The following USP3 variants were observed in gnomAD, a reference collection of about 807,000 sequenced individuals.
USP3 encodes ubiquitin specific peptidase 3.
A neutral mutation model predicts 72.3 loss-of-function variants in USP3; 20 were observed. That is an observed-to-expected ratio of 0.28 (90% confidence interval 0.19 to 0.40). USP3 has a LOEUF of 0.40. Among genes scored for constraint, USP3 ranks in the 10% least tolerant of loss-of-function variants. The pLI, the probability that USP3 is intolerant of heterozygous loss-of-function variation, is 1.00. For synonymous variants in USP3, 222 were observed against 225.3 expected, an observed-to-expected ratio of 0.99 and a Z score of 0.13; for missense variants, 479 against 633.9, an observed-to-expected ratio of 0.76 and a Z score of 2.62.
rs181866269 is a variant in USP3 at position 63,587,185 on chromosome 15, G to A, written c.1097-1120G>A. Among the ~76,000 whole-genome samples, 78 of 152,258 alleles carry A rather than the reference G, an allele frequency of 5.1e-4. 3 individuals carry two copies. The highest frequency in any genetic ancestry group is 1.2e-4 in the Non-Finnish European group (8 of 68,022). Reference sequence around the variant, plus strand: ...TCAGGATAATGGCTACTTCTGGGCAGAGGAAGGGGAATTATCTTTGGTAAG... The same window carrying A: ...TCAGGATAATGGCTACTTCTGGGCAAAGGAAGGGGAATTATCTTTGGTAAG... On this transcript the variant is annotated intron_variant, in intron 11 of 14. Transcript: ENST00000380324.
chr15:63,540,361 T>G (rs896992720), intron 3 of USP3, among the ~76,000 whole-genome samples: 1 of 152,238 alleles, frequency 6.6e-6, no homozygotes, highest in African/African-American at 2.4e-5. Flanking sequence ...GCATGTTAGT[T>G]ATTTGTAAAT....
intron 1 of USP3, among the ~76,000 whole-genome samples, chr15:63,509,162 C>G (rs1052577478): frequency 6.6e-6 from 1 of 152,134 alleles, no homozygotes; most frequent in Non-Finnish European, 1.5e-5. Context: ...ATTTAACACT[C>G]GTTTGCCCAG....
Position 63,547,757 on chromosome 15 carries a change from GGAGGGAGA to G in USP3, c.285-5954_285-5947del, listed in dbSNP as rs1567108586. Among the ~76,000 whole-genome samples, 3 of 39,636 alleles carry G rather than the reference GGAGGGAGA, an allele frequency of 7.6e-5. 1 individual carries two copies. Among genetic ancestry groups the G allele is most frequent in the African/African-American group, 3.1e-4 (3 of 9,688 alleles). The allele number at this position is 39,636 out of a possible 152,430, so 26.0% of individuals were successfully genotyped here. The stretch of plus-strand genomic sequence containing the variant: ...GAGAGAGAGAGAGGGAGGGAGGGAG[GGAGGGAGA>G]GAGAGAGAGAGAGAGAGAGAGAGAG... On this transcript the variant is annotated intron_variant, in intron 3 of 14. Transcript: ENST00000380324.
chr15:63,562,863 A>T (rs1165606467), intron 7 of USP3, 32 bp from the exon 8 acceptor site: 1 of 1,474,984 alleles, frequency 6.8e-7, no homozygotes, highest in Non-Finnish European at 9.3e-7. Flanking sequence ...CCTCTCACTA[A>T]TCTGAGGGCA....
At chr15:63,532,010 G>A (rs1350913697) in intron 1 of USP3, among the ~76,000 whole-genome samples, 2 of 152,132 alleles carry the variant, frequency 1.3e-5, no homozygotes, top group Admixed American at 6.6e-5. Flanking sequence ...AAAAATGAAT[G>A]AGTAGACAGC....
At position 63,529,158 on chromosome 15, in the gene USP3, A is replaced by G; in HGVS notation, c.92-3489A>G. 1 of 784,104 alleles carries G rather than the reference A, an allele frequency of 1.3e-6. No individual in the cohort carries two copies. The highest frequency in any genetic ancestry group is 1.5e-5 in the South Asian group (1 of 68,904). The allele number at this position is 784,104 out of a possible 1,614,324, so 48.6% of individuals were successfully genotyped here. ...GGACTACAGATGCAATCACCACCACACTTGGCAGGTAGTAAAGTGGTTTTT... is the reference window on the plus strand; with the variant it reads ...GGACTACAGATGCAATCACCACCACGCTTGGCAGGTAGTAAAGTGGTTTTT... On this transcript the variant is annotated intron_variant, in intron 1 of 14. Transcript: ENST00000380324. The surrounding 1 kb of genome is among the most constrained non-coding windows in gnomAD (Gnocchi z 4.2).
intron 1 of USP3, among the ~76,000 whole-genome samples, chr15:63,506,238 G>T (rs2065711190): frequency 6.6e-6 from 1 of 152,144 alleles, no homozygotes; most frequent in Non-Finnish European, 1.5e-5. Context: ...TCGGGATGTT[G>T]AGTATAGAAC....
intron 14 of USP3, among the ~76,000 whole-genome samples, chr15:63,590,211 C>A (rs1477125225): frequency 6.6e-6 from 1 of 152,242 alleles, no homozygotes; most frequent in East Asian, 1.9e-4. Context: ...AAGGTCTGTT[C>A]TAGCTGCAGG....
chr15:63,579,786 C>G (rs1595768990), intron 11 of USP3, among the ~76,000 whole-genome samples: 1 of 151,982 alleles, frequency 6.6e-6, no homozygotes, highest in African/African-American at 2.4e-5. Flanking sequence ...GTGACTTGGG[C>G]AGAGTACATG....
intron 1 of USP3, among the ~76,000 whole-genome samples, chr15:63,506,678 A>G (rs1451186604): frequency 6.6e-6 from 1 of 152,198 alleles, no homozygotes; most frequent in Admixed American, 6.5e-5. Context: ...GAGGAACTTA[A>G]TAAGTTAAAA....
intron 1 of USP3, among the ~76,000 whole-genome samples, chr15:63,518,490 G>A (rs1328548336): frequency 2.0e-5 from 3 of 152,254 alleles, no homozygotes; most frequent in East Asian, 3.9e-4. Context: ...TTGTGTTTTA[G>A]TTTTTAAAAA....
chr15:63,520,133 A>G (rs1256817645), intron 1 of USP3, among the ~76,000 whole-genome samples: 1 of 152,200 alleles, frequency 6.6e-6, no homozygotes, highest in African/African-American at 2.4e-5. Flanking sequence ...GAGCTGAGAA[A>G]TATAAATAAA....
intron 3 of USP3, among the ~76,000 whole-genome samples, chr15:63,550,593 A>C (rs979944481): frequency 1.3e-5 from 2 of 152,240 alleles, no homozygotes; most frequent in Admixed American, 6.5e-5. Flanking sequence ...TGAGACAAAT[A>C]TACCCATAGT....
At chr15:63,515,158 T>C (rs2065835157) in intron 1 of USP3, among the ~76,000 whole-genome samples, 1 of 152,196 alleles carries the variant, frequency 6.6e-6, no homozygotes, top group Non-Finnish European at 1.5e-5. Context: ...TCCCCTCGTT[T>C]AGAGGTAGGA....
At chr15:63,581,424 C>T (rs1349361286) in intron 11 of USP3, among the ~76,000 whole-genome samples, 2 of 148,950 alleles carry the variant, frequency 1.3e-5, no homozygotes, top group East Asian at 4.0e-4. Flanking sequence ...TGCTCTGTTG[C>T]CCAGGCTAGA....
At chr15:63,583,609 G>C (rs1015484994) in intron 11 of USP3, among the ~76,000 whole-genome samples, 1 of 152,104 alleles carries the variant, frequency 6.6e-6, no homozygotes, top group African/African-American at 2.4e-5. Flanking sequence ...ATCCTAAACA[G>C]AAACTCTGTA....
At chr15:63,563,156 A>T (rs2066634530) in intron 8 of USP3, 148 bp downstream of exon 8, 1 of 490,386 alleles carries the variant, frequency 2.0e-6, no homozygotes, top group African/African-American at 2.0e-5. Flanking sequence ...GAAGAGCTGA[A>T]ATTGAATACA....
chr15:63,518,033 C>A (rs1478180736), intron 1 of USP3, among the ~76,000 whole-genome samples: 1 of 152,096 alleles, frequency 6.6e-6, no homozygotes, highest in Non-Finnish European at 1.5e-5. Context: ...GTAGAATTTG[C>A]CACGTTTAGT....
intron 1 of USP3, among the ~76,000 whole-genome samples, chr15:63,518,691 T>A (rs1301642619): frequency 6.6e-6 from 1 of 152,214 alleles, no homozygotes; most frequent in Non-Finnish European, 1.5e-5. Flanking sequence ...ATATTTACTC[T>A]CTGTTTATAT....
Sources: allele counts gnomAD v4.1 joint callset (sites outside exome capture counted in the v4.1 genomes callset), GRCh38; gene constraint gnomAD v4.1.1; non-coding constraint Gnocchi (gnomAD v3.1); transcripts MANE v1.5; gene names NCBI Gene and HGNC (gene_info 2026-07-23, HGNC 2026-07-21).